The following NBAS variants were observed in gnomAD, a reference collection of about 807,000 sequenced individuals.
NBAS encodes the protein NBAS subunit of NRZ tethering complex.
Under a neutral mutation model 302.5 loss-of-function variants are expected in NBAS, and 219 were observed. The observed-to-expected ratio is 0.72, with a 90% confidence interval of 0.65 to 0.81. NBAS has a LOEUF of 0.81. Ranked by LOEUF, NBAS falls within the 30% of genes least tolerant of loss-of-function variation. NBAS has a pLI of 0.00. For missense variants in NBAS, 2,932 were observed against 2,841.6 expected, an observed-to-expected ratio of 1.03 and a Z score of -0.72; for synonymous variants, 1,118 against 1,021.6, an observed-to-expected ratio of 1.09 and a Z score of -1.80.
chr2:15,080,794 T>C, the NBAS span, among the ~76,000 whole-genome samples: 1 of 152,210 alleles, frequency 6.6e-6, no homozygotes, highest in Non-Finnish European at 1.5e-5. Flanking sequence ...AGTTTCAGGA[T>C]AGTCACACTT....
intron 21 of NBAS, among the ~76,000 whole-genome samples, chr2:15,431,307 T>C (rs969413897): frequency 3.9e-5 from 6 of 152,242 alleles, no homozygotes; most frequent in African/African-American, 1.4e-4. Context: ...ACCCTTCTTG[T>C]TGCTCTTTTT....
the NBAS span, among the ~76,000 whole-genome samples, chr2:14,979,638 AAG>A: frequency 6.6e-6 from 1 of 152,200 alleles, no homozygotes; most frequent in African/African-American, 2.4e-5. Flanking sequence ...TAGTCTACAT[AAG>A]ACCAAGTAAC....
At chr2:14,922,688 G>C in the NBAS span, among the ~76,000 whole-genome samples, 8 of 152,148 alleles carry the variant, frequency 5.3e-5, no homozygotes, top group Non-Finnish European at 4.4e-5. Flanking sequence ...TTGGGGGTTA[G>C]GGCTTCTACC....
chr2:15,386,981 C>G (rs6722963), intron 28 of NBAS, among the ~76,000 whole-genome samples: 1 of 151,860 alleles, frequency 6.6e-6, no homozygotes, highest in Non-Finnish European at 1.5e-5. Flanking sequence ...AGCCAGACAT[C>G]AAGCATAATA....
chr2:15,461,510 ATTAT>A (rs2148560365), intron 20 of NBAS, among the ~76,000 whole-genome samples, 173 bp from the exon 21 acceptor site: 1 of 152,282 alleles, frequency 6.6e-6, no homozygotes, highest in African/African-American at 2.4e-5. Flanking sequence ...GGCTATGAAA[ATTAT>A]TTATTTTTAA....
At chr2:15,209,101 GA>G in intron 48 of NBAS, among the ~76,000 whole-genome samples, 1 of 151,998 alleles carries the variant, frequency 6.6e-6, no homozygotes, top group Middle Eastern at 3.4e-3. Context: ...TAAAACCAAA[GA>G]TGAAAAAGGA....
the NBAS span, among the ~76,000 whole-genome samples, chr2:15,017,438 A>G: frequency 6.6e-6 from 1 of 152,104 alleles, no homozygotes; most frequent in Admixed American, 6.6e-5. Context: ...AATATCCAGA[A>G]TATACATGGA....
chr2:14,840,612 G>C, the NBAS span, among the ~76,000 whole-genome samples: 2 of 151,950 alleles, frequency 1.3e-5, no homozygotes, highest in Admixed American at 6.6e-5. Context: ...GCCCAGGAGG[G>C]TGTTAGATAA....
chr2:14,862,269 C>T, the NBAS span, among the ~76,000 whole-genome samples: 3 of 151,902 alleles, frequency 2.0e-5, no homozygotes, highest in South Asian at 6.2e-4. Context: ...CTCCCACGTA[C>T]CAACACACCT....
At chr2:15,093,341 G>A in the NBAS span, among the ~76,000 whole-genome samples, 1 of 152,062 alleles carries the variant, frequency 6.6e-6, no homozygotes, top group Non-Finnish European at 1.5e-5. Flanking sequence ...GCTTGAACCC[G>A]GGAGGCGGTG....
At chr2:15,338,257 G>A (rs1243564492) in intron 35 of NBAS, among the ~76,000 whole-genome samples, 1 of 152,132 alleles carries the variant, frequency 6.6e-6, no homozygotes, top group African/African-American at 2.4e-5. Flanking sequence ...ACTGTAAACT[G>A]AGCTGTTGGC....
chr2:15,482,090 T>C (rs965333959), intron 12 of NBAS, among the ~76,000 whole-genome samples: 1 of 152,174 alleles, frequency 6.6e-6, no homozygotes, highest in Non-Finnish European at 1.5e-5. Flanking sequence ...CTGTCCATTC[T>C]TCATCAAAAC....
At position 15,475,718 on chromosome 2, in the gene NBAS, G is replaced by A. The variant is rs148433163; in HGVS notation, c.1310C>T (p.Ala437Val). Reference sequence around the variant, plus strand: ...ACTTAAAAATCCCCCATCATGGGTAGCAGTGACTTGAGGTGATGGTTCAAA... The same window carrying A: ...ACTTAAAAATCCCCCATCATGGGTAACAGTGACTTGAGGTGATGGTTCAAA... ...EWFEPSPQVT[A>V]THDGGFLSLE... Residue 437 changes from alanine to valine, a missense_variant, in exon 14 of 52, where the codon GCT (alanine) becomes GTT (valine). Coordinates refer to ENST00000281513, the MANE Select transcript of NBAS (RefSeq NM_015909.4). 2 of 1,614,066 alleles carry A rather than the reference G, an allele frequency of 1.2e-6. No homozygotes were observed. The highest frequency in any genetic ancestry group is 1.7e-5 in the Admixed American group (1 of 60,028).
intron 9 of NBAS, among the ~76,000 whole-genome samples, chr2:15,519,724 C>T (rs11692377): frequency 0.62 from 93,878 of 152,072 alleles, 29,852 homozygotes; most frequent in Non-Finnish European, 0.68. Context: ...GGATTACAGG[C>T]ATGAGCCACT....
chr2:15,532,488 C>CAAAA (rs896529713), intron 9 of NBAS, among the ~76,000 whole-genome samples: 3 of 47,780 alleles, frequency 6.3e-5, no homozygotes, highest in African/African-American at 1.6e-4. Flanking sequence ...GACTCCATCT[C>CAAAA]AAAAAAAAAA....
chr2:15,323,909 GA>G (rs35027092), intron 38 of NBAS, among the ~76,000 whole-genome samples: 9,535 of 141,440 alleles, frequency 0.067, 309 homozygotes, highest in South Asian at 0.094. Context: ...CACAGTTTCT[GA>G]AAAAAAAAAA....
In NBAS at chr2:15,416,215, T is replaced by C. The variant is rs151132435; in HGVS notation, c.2764-496A>G. Among the ~76,000 whole-genome samples, 6 of 152,212 alleles carry C rather than the reference T, an allele frequency of 3.9e-5. No homozygotes were observed. The East Asian group carries it at 7.7e-4, about 20-fold the overall frequency. On this transcript the variant is annotated intron_variant, in intron 24 of 51. Transcript: ENST00000281513. The stretch of plus-strand genomic sequence containing the variant: ...ACACAAATAAGCACAGGTTCTAAAA[T>C]AGGGGCCTCTAGAAAATAGGGTTTC...
chr2:15,113,016 A>G, the NBAS span, among the ~76,000 whole-genome samples: 1 of 152,136 alleles, frequency 6.6e-6, no homozygotes, highest in African/African-American at 2.4e-5. Flanking sequence ...ACATAGACAT[A>G]GTACAATGAA....
At chr2:15,366,430 T>A (rs769059548) in intron 32 of NBAS, 150 bp downstream of exon 32, 1 of 743,558 alleles carries the variant, frequency 1.3e-6, no homozygotes, top group African/African-American at 1.7e-5. Flanking sequence ...AAGATTTCAC[T>A]GCACTCCAGC....
Sources: gnomAD v4.1 joint callset for allele counts (sites outside exome capture counted in the v4.1 genomes callset) on GRCh38, gnomAD v4.1.1 for gene constraint, MANE v1.5 for transcripts, NCBI Gene and HGNC (gene_info 2026-07-23, HGNC 2026-07-21) for gene names.